Variants in ARHGAP22 observed in about 807,000 individuals in gnomAD.
The protein encoded by ARHGAP22 is rho GTPase-activating protein 22.
A neutral mutation model predicts 59.1 loss-of-function variants in ARHGAP22; 48 were observed. The ratio of observed to expected loss-of-function variants is 0.81; its 90% CI spans 0.64 to 1.03. The LOEUF (loss-of-function observed/expected upper bound fraction) is 1.03. Ranked by LOEUF, ARHGAP22 falls within the 50% of genes least tolerant of loss-of-function variation. The probability of loss-of-function intolerance (pLI) is 0.00; values close to 1 mark genes in which losing one functional copy is unlikely to be tolerated. For synonymous variants in ARHGAP22, 445 were observed against 416.4 expected, an observed-to-expected ratio of 1.07 and a Z score of -0.84; for missense variants, 1,015 against 958.7, an observed-to-expected ratio of 1.06 and a Z score of -0.78.
chr10:48,581,118 T>C (rs900777013), intron 2 of ARHGAP22, among the ~76,000 whole-genome samples: 3 of 152,168 alleles, frequency 2.0e-5, no homozygotes, highest in African/African-American at 7.2e-5. Flanking sequence ...TGTTTAATTC[T>C]GGAACTTTCA....
chr10:48,624,148 G>A (rs1181261127), intron 1 of ARHGAP22: 1 of 152,368 alleles, frequency 6.6e-6, no homozygotes, highest in Admixed American at 6.5e-5. Context: ...CATCAAAAGA[G>A]AGGGCCTAGG....
At chr10:48,585,546 C>T (rs896710510) in intron 1 of ARHGAP22, among the ~76,000 whole-genome samples, 8 of 152,214 alleles carry the variant, frequency 5.3e-5, no homozygotes, top group African/African-American at 1.9e-4. Context: ...CACTTTTACA[C>T]AGGCCCCTGC....
chr10:48,518,176 C>T (rs577528069), intron 3 of ARHGAP22, among the ~76,000 whole-genome samples: 50 of 152,292 alleles, frequency 3.3e-4, no homozygotes, highest in African/African-American at 1.2e-3. Flanking sequence ...TGAGCAAGGC[C>T]CGCAGGACGG....
intron 1 of ARHGAP22, among the ~76,000 whole-genome samples, chr10:48,636,739 T>C (rs911059718): frequency 2.7e-4 from 41 of 151,662 alleles, no homozygotes; most frequent in African/African-American, 9.4e-4. Flanking sequence ...CAGTGAGGAG[T>C]TCTCACCTGA....
chr10:48,631,314 C>T (rs1438620504), intron 1 of ARHGAP22, among the ~76,000 whole-genome samples: 2 of 152,114 alleles, frequency 1.3e-5, no homozygotes, highest in Non-Finnish European at 2.9e-5. Flanking sequence ...CTGTTAGCCT[C>T]ACAGAATGAG....
intron 1 of ARHGAP22, among the ~76,000 whole-genome samples, chr10:48,612,814 T>G (rs2060944961): frequency 6.6e-6 from 1 of 152,212 alleles, no homozygotes; most frequent in Admixed American, 6.5e-5. Context: ...TTCCTAATCC[T>G]TTTAAATTGG....
In ARHGAP22 at chr10:48,450,715, G is replaced by A. The variant is rs777718892; in HGVS notation, c.1414C>T (p.Arg472Cys). 3.9e-6 allele frequency: 6 copies of A among 1,554,490 alleles called. No individual in the cohort carries two copies. Among genetic ancestry groups the A allele is most frequent in the East Asian group, 2.4e-5 (1 of 41,318 alleles). Reference sequence around the variant, plus strand: ...AGCCGGTCTCCCGACGAGGCCCGGCGGTGTCCGCGCAGGGAGGACAGCCCG... The same window carrying A: ...AGCCGGTCTCCCGACGAGGCCCGGCAGTGTCCGCGCAGGGAGGACAGCCCG... ...MNGLSSLRGHRRASSGDRLKD... is the reference protein window; with the variant it reads ...MNGLSSLRGHCRASSGDRLKD... Residue 472 changes from arginine (R) to cysteine (C), a missense_variant, in exon 9 of 10, where the codon CGC becomes TGC. Physicochemically the swap from Arg to Cys is radical, Grantham distance 180. Transcript: ENST00000249601.
At chr10:48,553,129 G>C (rs1408843456) in intron 3 of ARHGAP22, among the ~76,000 whole-genome samples, 2 of 152,224 alleles carry the variant, frequency 1.3e-5, no homozygotes, top group Non-Finnish European at 2.9e-5. Flanking sequence ...GGGAGCAGAG[G>C]GGACCACTCT....
At chr10:48,472,706 T>C (rs2048343365) in intron 4 of ARHGAP22, among the ~76,000 whole-genome samples, 4 of 152,134 alleles carry the variant, frequency 2.6e-5, no homozygotes, top group African/African-American at 9.7e-5. Context: ...GCCCAAGCTA[T>C]GGCGTCAGTC....
At chr10:48,628,161 C>A (rs921704115) in intron 1 of ARHGAP22, among the ~76,000 whole-genome samples, 2 of 152,190 alleles carry the variant, frequency 1.3e-5, no homozygotes, top group African/African-American at 4.8e-5. Flanking sequence ...GATGGCCCTG[C>A]CTTCCAGTTC....
At chr10:48,616,132 G>A (rs1459400869) in intron 1 of ARHGAP22, among the ~76,000 whole-genome samples, 10 of 152,070 alleles carry the variant, frequency 6.6e-5, no homozygotes, top group Non-Finnish European at 1.3e-4. Flanking sequence ...TGTCAAGTGA[G>A]TCTATCAGTG....
chr10:48,497,976 T>G (rs1209397228), intron 3 of ARHGAP22, among the ~76,000 whole-genome samples: 1 of 152,122 alleles, frequency 6.6e-6, no homozygotes, highest in East Asian at 1.9e-4. Flanking sequence ...CAGCAGAAAC[T>G]TCAGGTGTCC....
At chr10:48,535,502 C>T (rs2055260017) in intron 3 of ARHGAP22, among the ~76,000 whole-genome samples, 1 of 152,230 alleles carries the variant, frequency 6.6e-6, no homozygotes, top group Non-Finnish European at 1.5e-5. Context: ...TCAGAAGCCT[C>T]AGAGGTCACC....
At chr10:48,432,363 G>A in the ARHGAP22 span, among the ~76,000 whole-genome samples, 7 of 152,004 alleles carry the variant, frequency 4.6e-5, no homozygotes, top group African/African-American at 1.7e-4. Context: ...GACATTTTTG[G>A]TTATATATTT....
chr10:48,489,206 A>T (rs935278), intron 3 of ARHGAP22, among the ~76,000 whole-genome samples: 141,402 of 152,168 alleles, frequency 0.93, 66,596 homozygotes, highest in East Asian at 1. Flanking sequence ...GGCCTACTCT[A>T]TATGAAACAC....
intron 1 of ARHGAP22, among the ~76,000 whole-genome samples, chr10:48,617,418 C>T (rs145261234): frequency 4.9e-4 from 75 of 152,074 alleles, no homozygotes; most frequent in African/African-American, 1.5e-3. Flanking sequence ...TTCATCAGCA[C>T]GTGGAATATT....
chr10:48,609,646 T>C (rs865996914), upstream of ARHGAP22, among the ~76,000 whole-genome samples: 21 of 152,310 alleles, frequency 1.4e-4, no homozygotes, highest in African/African-American at 4.1e-4. Context: ...CTGCCTGCCC[T>C]TTTTTGCCTC....
upstream of ARHGAP22, among the ~76,000 whole-genome samples, chr10:48,605,541 A>G (rs1825354610): frequency 6.6e-6 from 1 of 152,160 alleles, no homozygotes; most frequent in African/African-American, 2.4e-5. Flanking sequence ...CACTTAACTC[A>G]GGGCTCTTCA....
At chr10:48,560,542 A>C (rs2057620586) in intron 2 of ARHGAP22, among the ~76,000 whole-genome samples, 1 of 152,128 alleles carries the variant, frequency 6.6e-6, no homozygotes, top group African/African-American at 2.4e-5. Context: ...AAAGTGTTTT[A>C]TGGAAGTGGT....
Sources: gnomAD v4.1 joint callset for allele counts (sites outside exome capture counted in the v4.1 genomes callset) on GRCh38, gnomAD v4.1.1 for gene constraint, MANE v1.5 for transcripts, NCBI Gene and HGNC (gene_info 2026-07-23, HGNC 2026-07-21) for gene names.